Variants in RCC1L observed in about 807,000 individuals in gnomAD.
RCC1L encodes the protein RCC1 like.
A neutral mutation model predicts 58.6 loss-of-function variants in RCC1L; 46 were observed. The ratio of observed to expected loss-of-function variants is 0.79; its 90% CI spans 0.62 to 1.00. RCC1L has a LOEUF of 1.00. RCC1L is among the 50% of genes least tolerant of loss of function. The pLI, the probability that RCC1L is intolerant of heterozygous loss-of-function variation, is 0.00. For synonymous variants in RCC1L, 281 were observed against 262.9 expected (o/e 1.07, Z -0.67); for missense variants, 636 against 623.6 (o/e 1.02, Z -0.21).
chr7:75,045,257 A>G (rs587732062), intron 10 of RCC1L, among the ~76,000 whole-genome samples: 135,105 of 152,146 alleles, frequency 0.89, 60,100 homozygotes, highest in East Asian at 0.95. Context: ...AGCTCGCACT[A>G]CAATGTCGAA....
Position 75,051,301 on chromosome 7 carries a change from CAT to C in RCC1L, c.1317+1408_1317+1409del, listed in dbSNP as rs1195276522. Among the ~76,000 whole-genome samples the C allele has an allele frequency of 6.3e-3, 926 of 147,114 alleles. 6 individuals carry two copies. The highest frequency in any genetic ancestry group is 0.024 in the East Asian group (123 of 5,080). ...ATATACACACACATATAAATACATA[CAT>C]ATATATATACACACATATATACACA... On this transcript the variant is annotated intron_variant, in intron 10 of 10. Coordinates refer to ENST00000610322, the MANE Select transcript of RCC1L (RefSeq NM_030798.5).
At chr7:75,059,711 C>T (rs1008537248) in intron 6 of RCC1L, among the ~76,000 whole-genome samples, 10 of 152,038 alleles carry the variant, frequency 6.6e-5, no homozygotes, top group Middle Eastern at 3.2e-3. Context: ...TGCCTGATCA[C>T]AACAAGCAAT....
rs921249202 is a variant in RCC1L, at chr7:75,070,723, T to G, written c.371A>C (p.Lys124Thr). 1.2e-6 allele frequency: 2 copies of G among 1,614,156 alleles called. No homozygotes were observed. The highest frequency in any genetic ancestry group is 1.7e-6 in the Non-Finnish European group (2 of 1,180,030). ...CCAGACTTTCGTAACATCCGCAGTC[T>G]TAGAGGACAGCAGTGTGAATCCATA... ...CGYGFTLLSS[K>T]TADVTKVWGM... Residue 124 changes from lysine (K) to threonine (T), a missense_variant, in exon 2 of 11, where the codon AAG becomes ACG. Lys to Thr is a moderately conservative substitution (Grantham distance 78). Transcript: ENST00000610322.
chr7:75,055,708 AG>A, intron 9 of RCC1L, 192 bp downstream of exon 9: 5 of 665,316 alleles, frequency 7.5e-6, no homozygotes, highest in Non-Finnish European at 1.0e-5. Context: ...TTAAAACTCC[AG>A]GGGGGGAAAA....
chr7:75,030,007 A>G (rs994455844), intron 10 of RCC1L, among the ~76,000 whole-genome samples: 1 of 152,146 alleles, frequency 6.6e-6, no homozygotes, highest in Non-Finnish European at 1.5e-5. Context: ...GAAAATAACG[A>G]AAGAGGCCCC....
rs587644569 is a variant in RCC1L at position 75,072,525 on chromosome 7, T to G, written c.324+889A>C. Among the ~76,000 whole-genome samples the G allele has an allele frequency of 5.9e-5, 9 of 152,146 alleles. No homozygotes were observed. In the South Asian group the frequency reaches 1.9e-3, roughly 32 times the overall value. On this transcript the variant is annotated intron_variant, in intron 1 of 10. Transcript: ENST00000610322. The stretch of plus-strand genomic sequence containing the variant: ...AGGCTATTACCATGAAAAGGAAAAC[T>G]CAGTACTACAGCTACTGTGAATTTA...
chr7:75,033,922 C>T (rs1805374691), intron 10 of RCC1L, among the ~76,000 whole-genome samples: 3 of 152,074 alleles, frequency 2.0e-5, no homozygotes, highest in Non-Finnish European at 2.9e-5. Flanking sequence ...AAGGAAAGGG[C>T]GTCATCTTTG....
At chr7:75,033,316 G>T (rs1332821960) in intron 10 of RCC1L, among the ~76,000 whole-genome samples, 1 of 152,122 alleles carries the variant, frequency 6.6e-6, no homozygotes, top group Non-Finnish European at 1.5e-5. Context: ...GGAAGACAGA[G>T]AAGCAGGGAG....
chr7:75,058,428 G>T (rs1347277660), intron 7 of RCC1L, among the ~76,000 whole-genome samples, 160 bp downstream of exon 7: 1 of 150,328 alleles, frequency 6.7e-6, no homozygotes, highest in Non-Finnish European at 1.5e-5. Flanking sequence ...ATGGGGTTTT[G>T]CCATGTTGCC....
intron 8 of RCC1L, 96 bp downstream of exon 8, chr7:75,057,433 G>T: frequency 7.6e-7 from 1 of 1,307,384 alleles, no homozygotes; most frequent in Non-Finnish European, 1.1e-6. Context: ...CCCTCCTAAG[G>T]CTAAGGTCTA....
At position 75,058,631 on chromosome 7, in the gene RCC1L, T is replaced by C. The variant is rs1554444216; in HGVS notation, c.926A>G (p.Asn309Ser). ...AGAGGCCAGCTGCAGGTACTCCGAG[T>C]TTCCCCAACCAAAAAGTCCTCCGTC... ...SADGGLFGWG[N>S]SEYLQLASVT... The change falls in exon 7 of 11, where the codon AAC becomes AGC. Residue 309 changes from asparagine (N) to serine (S), a missense_variant. By Grantham distance (46) the Asn-to-Ser change is conservative. Transcript: ENST00000610322. 1.2e-6 allele frequency: 2 copies of C among 1,612,424 alleles called. No individual in the cohort carries two copies. The highest frequency in any genetic ancestry group is 3.3e-5 in the Admixed American group (2 of 59,750).
At chr7:75,056,192 TTTTG>T in intron 8 of RCC1L, 118 bp from the exon 9 acceptor site, 39 of 1,227,246 alleles carry the variant, frequency 3.2e-5, no homozygotes, top group South Asian at 4.0e-5. Flanking sequence ...TTTGTTTTTT[TTTTG>T]TTTTGTTTTT....
intron 10 of RCC1L, among the ~76,000 whole-genome samples, chr7:75,051,025 T>A (rs1805887352): frequency 1.3e-5 from 2 of 151,854 alleles, no homozygotes; most frequent in South Asian, 4.2e-4. Flanking sequence ...CCCAGGAAGG[T>A]CAAGGCTGCA....
At chr7:75,052,169 G>A (rs1805933258) in intron 10 of RCC1L, among the ~76,000 whole-genome samples, 1 of 152,100 alleles carries the variant, frequency 6.6e-6, no homozygotes, top group Non-Finnish European at 1.5e-5. Flanking sequence ...CTTCATAGCT[G>A]CGGTTGGGCC....
chr7:75,061,950 G>T (rs1554444536), intron 5 of RCC1L, among the ~76,000 whole-genome samples: 1 of 152,174 alleles, frequency 6.6e-6, no homozygotes, highest in East Asian at 1.9e-4. Flanking sequence ...CACGTTGAGA[G>T]GCCAAGGCAG....
At chr7:75,033,071 CAAA>C (rs71098024) in intron 10 of RCC1L, among the ~76,000 whole-genome samples, 7 of 70,154 alleles carry the variant, frequency 1.0e-4, no homozygotes, top group Admixed American at 3.5e-4. Flanking sequence ...GACTTTGTCT[CAAA>C]AAAAAAAAAA....
intron 8 of RCC1L, chr7:75,056,782 A>G: frequency 6.8e-7 from 1 of 1,462,210 alleles, no homozygotes; most frequent in East Asian, 2.5e-5. Flanking sequence ...ACACCCTGTA[A>G]TGCCATCTTC....
chr7:75,028,064 C>A (rs958471806), exon 11 of RCC1L: 3 of 1,531,696 alleles, frequency 2.0e-6, no homozygotes, highest in Non-Finnish European at 2.6e-6. Flanking sequence ...TTGGCGCTGG[C>A]GGATGGGGCA....
At chr7:75,047,236 C>T (rs908413375) in intron 10 of RCC1L, among the ~76,000 whole-genome samples, 7 of 152,166 alleles carry the variant, frequency 4.6e-5, no homozygotes, top group Non-Finnish European at 8.8e-5. Flanking sequence ...GGATTACAGG[C>T]GTGAGCCACT....
Sources: allele counts gnomAD v4.1 joint callset (sites outside exome capture counted in the v4.1 genomes callset), GRCh38; gene constraint gnomAD v4.1.1; transcripts MANE v1.5; gene names NCBI Gene and HGNC (gene_info 2026-07-23, HGNC 2026-07-21).